RGS21: variants seen among roughly 807,000 people sequenced by gnomAD.
RGS21 encodes regulator of G-protein signalling 21.
RGS21 carries 19 observed loss-of-function variants against 18.7 expected under a neutral mutation model. The ratio of observed to expected loss-of-function variants is 1.01; its 90% CI spans 0.71 to 1.49. The LOEUF (loss-of-function observed/expected upper bound fraction) is 1.49, where lower values mean the gene tolerates loss of function less well. Among genes scored for constraint, RGS21 ranks in the 40% most tolerant of loss-of-function variants. The pLI is 0.00. For synonymous variants in RGS21, 56 were observed against 57.8 expected (o/e 0.97, Z 0.14); for missense variants, 194 against 176.8 (o/e 1.10, Z -0.55).
At chr1:192,340,443 A>G (rs1658841924) in intron 1 of RGS21, among the ~76,000 whole-genome samples, 2 of 152,130 alleles carry the variant, frequency 1.3e-5, no homozygotes, top group South Asian at 2.1e-4. Context: ...AAGAATCCAC[A>G]TTTGCATATG....
intron 1 of RGS21, among the ~76,000 whole-genome samples, chr1:192,321,936 C>A (rs370039176): frequency 1.1e-4 from 16 of 152,102 alleles, no homozygotes; most frequent in African/African-American, 3.9e-4. Context: ...AACACACACA[C>A]AGAGATTATA....
intron 1 of RGS21, among the ~76,000 whole-genome samples, chr1:192,339,703 TA>T (rs1658829185): frequency 6.6e-6 from 1 of 152,100 alleles, no homozygotes; most frequent in Non-Finnish European, 1.5e-5. Flanking sequence ...CAGCATACTA[TA>T]CTTTTTAAAA....
chr1:192,366,103 A>T lies in RGS21; in HGVS notation c.438A>T (p.Lys146Asn). Residue 146 changes from lysine to asparagine, a missense_variant, in exon 5 of 5, where the codon AAA (lysine) becomes AAT (asparagine). Transcript: ENST00000417209. ...LVNSQQVPNHKKWLPFL is the reference protein window; with the variant it reads ...LVNSQQVPNHNKWLPFL ...ATAGCCAACAGGTTCCAAATCATAA[A>T]AAATGGCTCCCTTTTTTGTGAGGAA... 1 of 1,606,276 alleles carries T rather than the reference A, an allele frequency of 6.2e-7. No homozygotes were observed. The highest frequency in any genetic ancestry group is 8.5e-7 in the Non-Finnish European group (1 of 1,176,170).
At chr1:192,359,848 T>C (rs1267844567) in intron 4 of RGS21, among the ~76,000 whole-genome samples, 1 of 151,192 alleles carries the variant, frequency 6.6e-6, no homozygotes, top group African/African-American at 2.4e-5. Context: ...TCTATCTTAC[T>C]AAAATTTCAA....
chr1:192,347,026 T>C (rs1658956431), intron 2 of RGS21, among the ~76,000 whole-genome samples: 1 of 152,194 alleles, frequency 6.6e-6, no homozygotes, highest in Admixed American at 6.5e-5. Context: ...AAATTCACCA[T>C]TGATCCACAG....
At chr1:192,330,153 G>T (rs114820484) in intron 1 of RGS21, among the ~76,000 whole-genome samples, 1,568 of 152,164 alleles carry the variant, frequency 0.01, 30 homozygotes, top group African/African-American at 0.035. Context: ...ATAAGATATG[G>T]TCACACACTA....
chr1:192,347,839 T>C (rs1658977214), intron 3 of RGS21, among the ~76,000 whole-genome samples: 1 of 151,776 alleles, frequency 6.6e-6, no homozygotes, highest in Non-Finnish European at 1.5e-5. Context: ...TTTGTATTTT[T>C]AGTAGAGACA....
chr1:192,354,570 G>A (rs1168143226), intron 4 of RGS21, among the ~76,000 whole-genome samples: 1 of 151,660 alleles, frequency 6.6e-6, no homozygotes, highest in Non-Finnish European at 1.5e-5. Flanking sequence ...AGGCAGACTT[G>A]ACAAGACTCG....
Position 192,351,219 on chromosome 1 carries a change from T to C in RGS21, c.89-828T>C, listed in dbSNP as rs183246068. Among the ~76,000 whole-genome samples, 19 of 152,246 alleles carry C rather than the reference T, an allele frequency of 1.2e-4. No individual in the cohort carries two copies. In the East Asian group the frequency reaches 3.5e-3, roughly 28 times the overall value. On this transcript the variant is annotated intron_variant, in intron 3 of 4. Transcript: ENST00000417209. ...AAGGCAACATCGGAGAAAAACCCTA[T>C]GTATTTGTATTTGCCTTATGGAATT...
At chr1:192,362,146 T>C (rs554396764) in intron 4 of RGS21, among the ~76,000 whole-genome samples, 7 of 152,244 alleles carry the variant, frequency 4.6e-5, no homozygotes, top group African/African-American at 1.7e-4. Context: ...AGTCAGGGTG[T>C]GAAGAATCTC....
chr1:192,323,738 A>G (rs578027466), intron 1 of RGS21, among the ~76,000 whole-genome samples: 5 of 152,116 alleles, frequency 3.3e-5, no homozygotes, highest in Non-Finnish European at 7.4e-5. Context: ...CTGGACAACC[A>G]TCAGCCTGAA....
At chr1:192,351,116 G>A (rs1659035028) in intron 3 of RGS21, among the ~76,000 whole-genome samples, 1 of 152,044 alleles carries the variant, frequency 6.6e-6, no homozygotes, top group Non-Finnish European at 1.5e-5. Flanking sequence ...TACATGCTAA[G>A]GATAATACCT....
Position 192,335,486 on chromosome 1 carries a change from T to C in RGS21, c.-60-7491T>C, listed in dbSNP as rs144416115. ...GTTCCTTAGTTTTACGTATTGTTTT[T>C]CTACCTATCCATTTCATTTATTCTT... On this transcript the variant is annotated intron_variant, in intron 1 of 4. Coordinates refer to ENST00000417209, the MANE Select transcript of RGS21 (RefSeq NM_001039152.3). Among the ~76,000 whole-genome samples the C allele has an allele frequency of 8.3e-4, 126 of 152,342 alleles. 1 individual carries two copies. Among genetic ancestry groups the C allele is most frequent in the African/African-American group, 2.8e-3 (117 of 41,590 alleles).
chr1:192,333,297 C>T (rs1326406540), intron 1 of RGS21, among the ~76,000 whole-genome samples: 1 of 151,802 alleles, frequency 6.6e-6, no homozygotes, highest in Non-Finnish European at 1.5e-5. Context: ...CACACACACA[C>T]ACACACTTAC....
chr1:192,323,942 T>G (rs1658530522), intron 1 of RGS21, among the ~76,000 whole-genome samples: 1 of 152,056 alleles, frequency 6.6e-6, no homozygotes, highest in Admixed American at 6.6e-5. Context: ...AAAAGTTGTT[T>G]GTAAGGAAAA....
chr1:192,338,870 C>G (rs1658810472), intron 1 of RGS21, among the ~76,000 whole-genome samples: 1 of 152,084 alleles, frequency 6.6e-6, no homozygotes, highest in African/African-American at 2.4e-5. Context: ...TCTGTCATTT[C>G]ACCTGTTAAA....
intron 1 of RGS21, among the ~76,000 whole-genome samples, chr1:192,322,758 A>G (rs902301691): frequency 1.3e-5 from 2 of 152,044 alleles, no homozygotes; most frequent in African/African-American, 2.4e-5. Flanking sequence ...GGTGTCTTAA[A>G]CTGTCTTAAA....
chr1:192,332,825 G>T (rs1658677797), intron 1 of RGS21, among the ~76,000 whole-genome samples: 1 of 152,112 alleles, frequency 6.6e-6, no homozygotes, highest in African/African-American at 2.4e-5. Context: ...GAGGCAGGAA[G>T]ATGGATTGAG....
chr1:192,323,554 G>T (rs1658525052), intron 1 of RGS21, among the ~76,000 whole-genome samples: 1 of 152,214 alleles, frequency 6.6e-6, no homozygotes, highest in East Asian at 1.9e-4. Flanking sequence ...TCCCAGGTTT[G>T]CTTGTCACTG....
Sources: gnomAD v4.1 joint callset for allele counts (sites outside exome capture counted in the v4.1 genomes callset) on GRCh38, gnomAD v4.1.1 for gene constraint, MANE v1.5 for transcripts, NCBI Gene and HGNC (gene_info 2026-07-23, HGNC 2026-07-21) for gene names.